Variants in USP14 observed in about 807,000 individuals in gnomAD.
USP14 encodes the protein ubiquitin carboxyl-terminal hydrolase 14.
A neutral mutation model predicts 76.5 loss-of-function variants in USP14; 38 were observed. The ratio of observed to expected loss-of-function variants is 0.50; its 90% CI spans 0.38 to 0.65. The LOEUF is 0.65. Among genes scored for constraint, USP14 ranks in the 30% least tolerant of loss-of-function variants. The probability of loss-of-function intolerance (pLI) is 0.00; values close to 1 mark genes in which losing one functional copy is unlikely to be tolerated. For missense variants in USP14, 467 were observed against 586.5 expected (o/e 0.80, Z 2.10); for synonymous variants, 192 against 191.7 (o/e 1.00, Z -0.01).
At chr18:205,996 T>A (rs1214900809) in intron 13 of USP14, among the ~76,000 whole-genome samples, 1 of 152,228 alleles carries the variant, frequency 6.6e-6, no homozygotes, top group Non-Finnish European at 1.5e-5. Flanking sequence ...AGTGTTTGTC[T>A]GTGATGAATA....
intron 1 of USP14, among the ~76,000 whole-genome samples, chr18:161,891 C>G (rs1220372180): frequency 1.3e-5 from 2 of 152,052 alleles, no homozygotes; most frequent in Non-Finnish European, 2.9e-5. Flanking sequence ...ATAAAGTTTA[C>G]CATTTTAATG....
chr18:198,529 T>TA (rs981707516), intron 9 of USP14, among the ~76,000 whole-genome samples: 1 of 152,166 alleles, frequency 6.6e-6, no homozygotes, highest in Non-Finnish European at 1.5e-5. Flanking sequence ...CAGAGGTTTT[T>TA]ATACCTAAAA....
chr18:163,742 T>C (rs1003983009), intron 2 of USP14, among the ~76,000 whole-genome samples: 3 of 152,136 alleles, frequency 2.0e-5, no homozygotes, highest in Admixed American at 1.3e-4. Context: ...GTTTGTTATA[T>C]AGGTAAACTT....
At chr18:158,760 AGGCCTCCGCGTAGGCCT>A in intron 1 of USP14, 46 bp downstream of exon 1, 2 of 1,447,902 alleles carry the variant, frequency 1.4e-6, no homozygotes, top group Non-Finnish European at 1.8e-6. Flanking sequence ...GACCGGCGCT[AGGCCTCCGCGTAGGCCT>A]GGCCTGCACG....
At chr18:165,831 C>T (rs1909254919) in intron 2 of USP14, among the ~76,000 whole-genome samples, 1 of 152,054 alleles carries the variant, frequency 6.6e-6, no homozygotes, top group Non-Finnish European at 1.5e-5. Context: ...AGTTACCGTT[C>T]CATTTTAAAG....
chr18:204,472 G>T, intron 12 of USP14, 92 bp from the exon 13 acceptor site: 2 of 1,138,328 alleles, frequency 1.8e-6, no homozygotes, highest in South Asian at 4.1e-5. Flanking sequence ...AACTGTATCT[G>T]AATTATGAAA....
In USP14 at chr18:213,430, T is replaced by G. The variant is rs931934309; in HGVS notation, c.*2146T>G. On this transcript the variant is annotated 3_prime_UTR_variant, in exon 16 of 16. Coordinates refer to ENST00000261601, the MANE Select transcript of USP14 (RefSeq NM_005151.4). The stretch of plus-strand genomic sequence containing the variant: ...AATTTTTTCAAGTAGAAATGGGAGT[T>G]AGTTATACCAGTGTTGTTTTTAACT... 16 of 152,554 alleles carry G rather than the reference T, an allele frequency of 1.0e-4. No individual in the cohort carries two copies. Among genetic ancestry groups the G allele is most frequent in the Middle Eastern group, 3.4e-3 (1 of 294 alleles). 9.5% of individuals were successfully genotyped at this position (152,554 alleles called of 1,614,324 possible).
In USP14 at chr18:197,965, T is replaced by C. The variant is rs141072027; in HGVS notation, c.676-82T>C. 3,585 of 1,205,056 alleles carry C rather than the reference T, an allele frequency of 3.0e-3. 8 individuals are homozygous for C. The highest frequency in any genetic ancestry group is 3.3e-3 in the Non-Finnish European group (2,849 of 876,612). The allele number at this position is 1,205,056 out of a possible 1,614,324, so 74.6% of individuals were successfully genotyped here. On this transcript the variant is annotated intron_variant, in intron 8 of 15. Transcript: ENST00000261601. ...AAGGGACTACATTTTTAAAAAAATATGTATTACTAAACTGGATTGTGTGGA... is the reference window on the plus strand; with the variant it reads ...AAGGGACTACATTTTTAAAAAAATACGTATTACTAAACTGGATTGTGTGGA...
intron 3 of USP14, among the ~76,000 whole-genome samples, chr18:175,529 A>C (rs1157505042): frequency 5.9e-5 from 9 of 152,192 alleles, no homozygotes; most frequent in African/African-American, 1.9e-4. Context: ...TAAACTACAC[A>C]GACTTTTGAG....
At position 212,574 on chromosome 18, in the gene USP14, A is replaced by T. The variant is rs539131431; in HGVS notation, c.*1290A>T. ...AGCTGAGATCACACCACTGCACTCC[A>T]GCCTGGGTGACAGAGAGACTCTGTC... On this transcript the variant is annotated 3_prime_UTR_variant, in exon 16 of 16. Transcript: ENST00000261601. 1 of 152,240 alleles carries T rather than the reference A, an allele frequency of 6.6e-6. No homozygotes were observed. Among genetic ancestry groups the T allele is most frequent in the Non-Finnish European group, 1.5e-5 (1 of 68,022 alleles). 9.4% of individuals were successfully genotyped at this position (152,240 alleles called of 1,614,324 possible). A position where few individuals can be genotyped will look rare whatever the true frequency, so the allele number is the denominator to read the frequency against.
Position 171,025 on chromosome 18 carries a change from A to ATATATATATATATAGATATATATAT in USP14, c.195+4206_195+4207insTATATATATATATAGATATATATAT, listed in dbSNP as rs1555762344. ...CCTGGAACTTAAAAAAAAAAAAAAA[A>ATATATATATATATAGATATATATAT]ATATATATATATATATATATATATA... On this transcript the variant is annotated intron_variant, in intron 3 of 15. Coordinates refer to ENST00000261601, the MANE Select transcript of USP14 (RefSeq NM_005151.4). Among the ~76,000 whole-genome samples, 5 of 47,652 alleles carry ATATATATATATATAGATATATATAT rather than the reference A, an allele frequency of 1.0e-4. No homozygotes were observed. The East Asian group carries it at 3.7e-3, about 35-fold the overall frequency. The allele number at this position is 47,652 out of a possible 152,430, so 31.3% of individuals were successfully genotyped here.
chr18:183,419 C>G (rs536434146), intron 5 of USP14, among the ~76,000 whole-genome samples: 2 of 151,678 alleles, frequency 1.3e-5, no homozygotes, highest in East Asian at 1.9e-4. Flanking sequence ...TCTGAGGACT[C>G]TTGTCGCAAA....
At chr18:196,613 G>A in intron 6 of USP14, 24 bp from the exon 7 acceptor site, 1 of 1,600,462 alleles carries the variant, frequency 6.2e-7, no homozygotes, top group East Asian at 2.2e-5. Flanking sequence ...GTTTTACTAA[G>A]GCAATGTTTG....
At chr18:175,252 G>A (rs2144227425) in intron 3 of USP14, among the ~76,000 whole-genome samples, 1 of 152,112 alleles carries the variant, frequency 6.6e-6, no homozygotes, top group East Asian at 1.9e-4. Flanking sequence ...TAATCTTTGT[G>A]CATTTTGTTT....
chr18:184,177 T>G (rs537460521), intron 5 of USP14, among the ~76,000 whole-genome samples: 55 of 152,338 alleles, frequency 3.6e-4, no homozygotes, highest in African/African-American at 1.3e-3. Flanking sequence ...GCTTTTTGGT[T>G]TTTATTTTTA....
At chr18:203,034 C>T in intron 11 of USP14, 64 bp from the exon 12 acceptor site, 2 of 1,601,830 alleles carry the variant, frequency 1.2e-6, no homozygotes, top group Non-Finnish European at 1.7e-6. Context: ...TTTTTACCAC[C>T]AAATAATTAA....
At chr18:197,720 A>G (rs558058697) in intron 8 of USP14, 24 bp downstream of exon 8, 1 of 1,571,198 alleles carries the variant, frequency 6.4e-7, no homozygotes, top group Non-Finnish European at 8.7e-7. Context: ...ATTTGTGATT[A>G]TAGACTTTCG....
At chr18:162,341 A>G (rs978153760) in intron 1 of USP14, among the ~76,000 whole-genome samples, 1 of 152,164 alleles carries the variant, frequency 6.6e-6, no homozygotes, top group Non-Finnish European at 1.5e-5. Context: ...GTTTCTCCAC[A>G]TCTTTGCTAA....
Position 169,076 on chromosome 18 carries a change from C to CA in USP14, c.195+2269dup, listed in dbSNP as rs549648133. Among the ~76,000 whole-genome samples the CA allele has an allele frequency of 4.6e-3, 613 of 133,270 alleles. 1 individual carries two copies. Among genetic ancestry groups the CA allele is most frequent in the African/African-American group, 0.014 (497 of 35,990 alleles). The allele number at this position is 133,270 out of a possible 152,430, so 87.4% of individuals were successfully genotyped here. On this transcript the variant is annotated intron_variant, in intron 3 of 15. Coordinates refer to ENST00000261601, the MANE Select transcript of USP14 (RefSeq NM_005151.4). ...TGGGCAACAGAGCGAGACTCCATCT[C>CA]AAAAAAAAAAAAGTGATAAGAGTGG... is the stretch of plus-strand genomic sequence containing the variant.
Sources: gnomAD v4.1 joint callset for allele counts (sites outside exome capture counted in the v4.1 genomes callset) on GRCh38, gnomAD v4.1.1 for gene constraint, MANE v1.5 for transcripts, NCBI Gene and HGNC (gene_info 2026-07-23, HGNC 2026-07-21) for gene names.